Variants in TBC1D14 observed in about 807,000 individuals in gnomAD.
The protein encoded by TBC1D14 is TBC1 domain family, member 14.
A neutral mutation model predicts 79.0 loss-of-function variants in TBC1D14; 26 were observed. The observed-to-expected ratio is 0.33, with a 90% CI of 0.24 to 0.46. The LOEUF (loss-of-function observed/expected upper bound fraction) is 0.46, where lower values mean the gene tolerates loss of function less well. TBC1D14 is among the 20% of genes least tolerant of loss of function. The pLI is 1.00. For synonymous variants in TBC1D14, 394 were observed against 349.9 expected (o/e 1.13, Z -1.40); for missense variants, 769 against 887.6 (o/e 0.87, Z 1.70).
intron 2 of TBC1D14, among the ~76,000 whole-genome samples, chr4:6,955,864 C>T (rs950126299): frequency 6.6e-6 from 1 of 152,182 alleles, no homozygotes; most frequent in East Asian, 1.9e-4. Flanking sequence ...CAGCCTCGGA[C>T]ACGTAAGTCC....
chr4:6,999,191 C>T lies in TBC1D14; in HGVS notation c.1152C>T (p.Asn384=), dbSNP rs989051988. The T allele has an allele frequency of 3.7e-6, 6 of 1,613,504 alleles. No individual in the cohort carries two copies. In the Admixed American group the frequency reaches 8.3e-5, roughly 22 times the overall value. The part of the protein sequence containing the change: ...VLTWNNEILP[N]WETMWCSRKV... ...CCTGGAATAATGAGATCTTACCTAACTGGGAAACAATGTAAGATGTGGCTC... is the reference window on the plus strand; with the variant it reads ...CCTGGAATAATGAGATCTTACCTAATTGGGAAACAATGTAAGATGTGGCTC... The change falls in exon 6 of 14, where the codon AAC becomes AAT. Residue 384 remains asparagine, a synonymous_variant. Transcript: ENST00000409757.
intron 3 of TBC1D14, among the ~76,000 whole-genome samples, chr4:6,976,434 AG>A (rs1716717817): frequency 6.6e-6 from 1 of 152,256 alleles, no homozygotes; most frequent in Non-Finnish European, 1.5e-5. Context: ...CAACCAGAGA[AG>A]AACAATGTCA....
In TBC1D14 at chr4:6,967,321, A is replaced by G; in HGVS notation, c.740A>G (p.Lys247Arg). The G allele has an allele frequency of 6.2e-7, 1 of 1,613,918 alleles. No homozygotes were observed. Among genetic ancestry groups the G allele is most frequent in the Non-Finnish European group, 8.5e-7 (1 of 1,179,956 alleles). ...TCCTATAGGAACTTGCTTGCTAGAA[A>G]ACAAAGTGCAAGGCTTGACAAACAC... is the stretch of plus-strand genomic sequence containing the variant. ...NFFARNLLAR[K>R]QSARLDKHND... is the part of the protein sequence containing the mutation. Residue 247 changes from lysine to arginine, a missense_variant, in exon 3 of 14, where the codon AAA becomes AGA. Coordinates refer to ENST00000409757, the MANE Select transcript of TBC1D14 (RefSeq NM_020773.3).
chr4:7,016,533 A>G (rs1418778310), intron 12 of TBC1D14, among the ~76,000 whole-genome samples: 1 of 152,194 alleles, frequency 6.6e-6, no homozygotes, highest in Non-Finnish European at 1.5e-5. Context: ...GCTTCTGATT[A>G]GTTTCTTAGG....
chr4:6,921,601 C>G (rs958321816), intron 1 of TBC1D14, among the ~76,000 whole-genome samples: 1 of 151,976 alleles, frequency 6.6e-6, no homozygotes, highest in Admixed American at 6.5e-5. Flanking sequence ...TCTTGGCCCA[C>G]TGCAACCTCC....
intron 2 of TBC1D14, among the ~76,000 whole-genome samples, chr4:6,924,463 T>C (rs1258782625): frequency 1.3e-5 from 2 of 152,178 alleles, no homozygotes; most frequent in Non-Finnish European, 2.9e-5. Context: ...CAGAGGGCAC[T>C]GGTGAGGGTG....
chr4:6,937,670 C>T (rs1418710382), intron 2 of TBC1D14, among the ~76,000 whole-genome samples: 2 of 152,170 alleles, frequency 1.3e-5, no homozygotes, highest in African/African-American at 4.8e-5. Flanking sequence ...GTTTTTTGCA[C>T]AGGTACACGT....
At chr4:7,023,466 G>C (rs551246734) in intron 12 of TBC1D14, among the ~76,000 whole-genome samples, 2 of 152,274 alleles carry the variant, frequency 1.3e-5, no homozygotes, top group Non-Finnish European at 2.9e-5. Context: ...ATATTCTCTA[G>C]ACTAAGGAAA....
chr4:6,980,207 T>C (rs1236994214), intron 3 of TBC1D14, among the ~76,000 whole-genome samples: 1 of 152,248 alleles, frequency 6.6e-6, no homozygotes, highest in Non-Finnish European at 1.5e-5. Flanking sequence ...AAATATGTTC[T>C]GACCAGAGTG....
chr4:6,916,517 A>G (rs1229430487), intron 1 of TBC1D14, among the ~76,000 whole-genome samples: 1 of 152,124 alleles, frequency 6.6e-6, no homozygotes, highest in Non-Finnish European at 1.5e-5. Flanking sequence ...GGAGGAGAAA[A>G]TCAAGCAGTT....
At chr4:7,000,109 A>G (rs1719510033) in intron 6 of TBC1D14, among the ~76,000 whole-genome samples, 1 of 152,176 alleles carries the variant, frequency 6.6e-6, no homozygotes, top group Non-Finnish European at 1.5e-5. Context: ...TTTTTAAGGC[A>G]GTATCCTCAA....
intron 1 of TBC1D14, among the ~76,000 whole-genome samples, chr4:6,912,877 C>G (rs538170554): frequency 3.6e-4 from 55 of 152,356 alleles, no homozygotes; most frequent in Admixed American, 1.1e-3. Flanking sequence ...TGAGTCCAAG[C>G]TTACACAGCT....
chr4:6,974,423 G>C (rs1178863668), intron 3 of TBC1D14, among the ~76,000 whole-genome samples: 1 of 152,186 alleles, frequency 6.6e-6, no homozygotes, highest in Admixed American at 6.5e-5. Context: ...CAGAGAGGAG[G>C]AGCTCAGGAA....
intron 1 of TBC1D14, among the ~76,000 whole-genome samples, chr4:6,920,098 A>C (rs1159885220): frequency 6.6e-6 from 1 of 151,964 alleles, no homozygotes; most frequent in Non-Finnish European, 1.5e-5. Flanking sequence ...CTTTTGGTAG[A>C]GATGGGGGTC....
chr4:6,955,775 C>T lies in TBC1D14; in HGVS notation c.723-11529C>T, dbSNP rs1714574044. Among the ~76,000 whole-genome samples the T allele has an allele frequency of 3.3e-5, 5 of 152,270 alleles. 1 individual carries two copies. The South Asian group carries it at 1.0e-3, about 32-fold the overall frequency. ...AGAAAGCCCTGATGAGTGTCCGTGG[C>T]TTGTGGAACCTGCTCCACCAGGTCA... On this transcript the variant is annotated intron_variant, in intron 2 of 13. Transcript: ENST00000409757.
intron 2 of TBC1D14, among the ~76,000 whole-genome samples, chr4:6,943,462 C>G (rs1713108695): frequency 6.6e-6 from 1 of 152,196 alleles, no homozygotes; most frequent in South Asian, 2.1e-4. Context: ...GTTGGTGTGG[C>G]CTACGGGGCG....
chr4:7,015,425 C>G (rs986733033), intron 12 of TBC1D14, among the ~76,000 whole-genome samples: 2 of 152,064 alleles, frequency 1.3e-5, no homozygotes, highest in African/African-American at 2.4e-5. Context: ...GGAGAAGATT[C>G]GGCCAGGGCA....
chr4:6,996,546 A>AG, intron 5 of TBC1D14, 139 bp downstream of exon 5: 2 of 697,058 alleles, frequency 2.9e-6, no homozygotes, highest in East Asian at 2.8e-5. Flanking sequence ...AAAAAAAAAA[A>AG]AAAGATGCAT....
intron 3 of TBC1D14, among the ~76,000 whole-genome samples, chr4:6,974,128 G>A (rs1382032568): frequency 6.6e-6 from 1 of 152,012 alleles, no homozygotes; most frequent in East Asian, 1.9e-4. Context: ...TTACAGACAT[G>A]AGCCGCTGCG....
Sources: gnomAD v4.1 joint callset for allele counts (sites outside exome capture counted in the v4.1 genomes callset) on GRCh38, gnomAD v4.1.1 for gene constraint, MANE v1.5 for transcripts, NCBI Gene and HGNC (gene_info 2026-07-23, HGNC 2026-07-21) for gene names.